The following CEP85L variants were observed in gnomAD, a reference collection of about 807,000 sequenced individuals.
CEP85L encodes centrosomal protein 85L.
CEP85L carries 60 observed loss-of-function variants against 100.3 expected under a neutral mutation model. The ratio of observed to expected loss-of-function variants is 0.60; its 90% CI spans 0.49 to 0.74. The LOEUF is 0.74. Among genes scored for constraint, CEP85L ranks in the 30% least tolerant of loss-of-function variants. The pLI is 0.00. For missense variants in CEP85L, 973 were observed against 936.2 expected (o/e 1.04, Z -0.51); for synonymous variants, 319 against 322.7 (o/e 0.99, Z 0.12).
chr6:118,626,856 T>A (rs1773830111), intron 2 of CEP85L, among the ~76,000 whole-genome samples: 1 of 152,150 alleles, frequency 6.6e-6, no homozygotes, highest in African/African-American at 2.4e-5. Flanking sequence ...AAACAATGTA[T>A]CAAACAGAGT....
chr6:118,698,708 T>A (rs1777295018), intron 1 of CEP85L, among the ~76,000 whole-genome samples: 1 of 152,116 alleles, frequency 6.6e-6, no homozygotes, highest in Non-Finnish European at 1.5e-5. Context: ...GACTGATCCA[T>A]CTTTTGCACT....
rs1777574569 is a variant in CEP85L, at chr6:118,705,791, G to C, written c.-28+4245C>G. On this transcript the variant is annotated intron_variant, in intron 1 of 13. Transcript: ENST00000368488. ...ACATTTTAATAATTTAATGGGAATG[G>C]TAACTCCATATGTCCAAACACTAGG... 1.3e-5 allele frequency among the ~76,000 whole-genome samples: 2 copies of C among 152,174 alleles called. 1 individual carries two copies. The highest frequency in any genetic ancestry group is 1.3e-4 in the Admixed American group (2 of 15,280).
At chr6:118,691,072 A>G (rs1777026500) in intron 1 of CEP85L, among the ~76,000 whole-genome samples, 1 of 152,240 alleles carries the variant, frequency 6.6e-6, no homozygotes, top group Admixed American at 6.5e-5. Context: ...TTTAAAAAAA[A>G]GAGACTGAAA....
At chr6:118,647,523 G>A (rs62422234) in intron 1 of CEP85L, among the ~76,000 whole-genome samples, 20,310 of 151,970 alleles carry the variant, frequency 0.13, 1,725 homozygotes, top group Non-Finnish European at 0.18. Flanking sequence ...CACCACGCCC[G>A]GCTAATTTTT....
At chr6:118,694,447 T>G (rs891795962) in intron 1 of CEP85L, among the ~76,000 whole-genome samples, 2 of 152,220 alleles carry the variant, frequency 1.3e-5, no homozygotes, top group African/African-American at 4.8e-5. Context: ...ATTTACCATG[T>G]CTGAAATCAA....
intron 3 of CEP85L, among the ~76,000 whole-genome samples, chr6:118,544,626 A>C (rs560751501): frequency 1.3e-5 from 2 of 152,182 alleles, no homozygotes; most frequent in Non-Finnish European, 2.9e-5. Context: ...CTTAATGTCA[A>C]TGCTCTTCTC....
At chr6:118,701,270 A>G (rs1347847046) in intron 1 of CEP85L, among the ~76,000 whole-genome samples, 1 of 152,216 alleles carries the variant, frequency 6.6e-6, no homozygotes, top group Non-Finnish European at 1.5e-5. Flanking sequence ...TAGTAATCCC[A>G]TTACAGGGTA....
Position 118,463,906 on chromosome 6 carries a change from T to C in CEP85L, c.*1499A>G, listed in dbSNP as rs1772354566. The C allele has an allele frequency of 6.6e-6, 1 of 152,088 alleles. No homozygotes were observed. The highest frequency in any genetic ancestry group is 1.5e-5 in the Non-Finnish European group (1 of 67,980). 9.4% of individuals were successfully genotyped at this position (152,088 alleles called of 1,614,324 possible). A position where few individuals can be genotyped will look rare whatever the true frequency, so the allele number is the denominator to read the frequency against. ...TTCACTTTTAAATATTTAAGAAAAA[T>C]CTTTCCTAGGAGAGCCTTTATTCTA... On this transcript the variant is annotated 3_prime_UTR_variant, in exon 13 of 13. Coordinates refer to ENST00000368491, the MANE Select transcript of CEP85L (RefSeq NM_001042475.3).
intron 3 of CEP85L, among the ~76,000 whole-genome samples, chr6:118,549,151 T>C (rs767043846): frequency 6.6e-6 from 1 of 151,918 alleles, no homozygotes; most frequent in Non-Finnish European, 1.5e-5. Context: ...AAAAGTTATT[T>C]TGACACACGA....
At chr6:118,707,469 T>C (rs1399147031) in intron 1 of CEP85L, among the ~76,000 whole-genome samples, 3 of 152,116 alleles carry the variant, frequency 2.0e-5, no homozygotes, top group African/African-American at 7.2e-5. Context: ...GCTGGGATTA[T>C]AGCCATGAGC....
At chr6:118,579,924 C>G (rs1463234979) in intron 2 of CEP85L, among the ~76,000 whole-genome samples, 1 of 152,198 alleles carries the variant, frequency 6.6e-6, no homozygotes, top group Non-Finnish European at 1.5e-5. Flanking sequence ...CTTGTCACTA[C>G]AAGTGCCTAG....
chr6:118,483,968 T>C (rs946396375), intron 6 of CEP85L, 110 bp from the exon 7 acceptor site: 61 of 929,368 alleles, frequency 6.6e-5, no homozygotes, highest in South Asian at 2.2e-4. Flanking sequence ...TTTCAGGTTA[T>C]AGCGAAGGCC....
At chr6:118,687,262 G>A (rs62423962) in intron 1 of CEP85L, among the ~76,000 whole-genome samples, 33,492 of 152,046 alleles carry the variant, frequency 0.22, 4,797 homozygotes, top group Non-Finnish European at 0.32. Context: ...TTTCACTCTT[G>A]TCACCCAGGC....
At position 118,632,555 on chromosome 6, in the gene CEP85L, T is replaced by C. The variant is rs549584138; in HGVS notation, c.130A>G (p.Thr44Ala). 15 of 1,613,254 alleles carry C rather than the reference T, an allele frequency of 9.3e-6. No individual in the cohort carries two copies. Among genetic ancestry groups the C allele is most frequent in the East Asian group, 8.9e-5 (4 of 44,852 alleles). ...PANESLWQAT[T>A]VPSNHRNNHI... Reference sequence around the variant, plus strand: ...TTATTTCGATGGTTAGATGGAACAGTTGTGGCCTGCCACAATGATTCATTA... The same window carrying C: ...TTATTTCGATGGTTAGATGGAACAGCTGTGGCCTGCCACAATGATTCATTA... Residue 44 changes from threonine to alanine, a missense_variant, in exon 2 of 13, where the codon ACT becomes GCT. Physicochemically the swap from Thr to Ala is moderately conservative, Grantham distance 58. This residue lies in a region of CEP85L where 79 missense variants were observed against 73.3 expected (regional missense o/e 1.08). Coordinates refer to ENST00000368491, the MANE Select transcript of CEP85L (RefSeq NM_001042475.3).
At chr6:118,635,788 T>A (rs1774456426) in intron 1 of CEP85L, among the ~76,000 whole-genome samples, 1 of 152,170 alleles carries the variant, frequency 6.6e-6, no homozygotes, top group South Asian at 2.1e-4. Context: ...TCTTGGCCAA[T>A]AAACCATTTG....
intron 1 of CEP85L, among the ~76,000 whole-genome samples, chr6:118,638,493 T>G (rs1774658435): frequency 6.6e-6 from 1 of 150,956 alleles, no homozygotes; most frequent in African/African-American, 2.4e-5. Context: ...GCTGACCAGG[T>G]GATTTAATAA....
At chr6:118,604,158 T>G (rs1260576569) in intron 2 of CEP85L, among the ~76,000 whole-genome samples, 1 of 152,226 alleles carries the variant, frequency 6.6e-6, no homozygotes, top group Non-Finnish European at 1.5e-5. Flanking sequence ...AATGTTCTAT[T>G]AATGTTAAAC....
chr6:118,471,915 T>C (rs1176275282), intron 10 of CEP85L, among the ~76,000 whole-genome samples: 1 of 151,918 alleles, frequency 6.6e-6, no homozygotes, highest in Non-Finnish European at 1.5e-5. Context: ...TGAAGATCTA[T>C]CCTTTCTGGC....
chr6:118,583,198 G>GAGGCTTAA (rs1780670924), intron 2 of CEP85L, among the ~76,000 whole-genome samples: 1 of 152,132 alleles, frequency 6.6e-6, no homozygotes, highest in Non-Finnish European at 1.5e-5. Context: ...GACGGGTCCC[G>GAGGCTTAA]AGGCTTAAAC....
Sources: gnomAD v4.1 joint callset for allele counts (sites outside exome capture counted in the v4.1 genomes callset) on GRCh38, gnomAD v4.1.1 for gene constraint, gnomAD v4.1.1 regional missense constraint, MANE v1.5 for transcripts, NCBI Gene and HGNC (gene_info 2026-07-23, HGNC 2026-07-21) for gene names.